The following SLC44A1 variants were observed in gnomAD, a reference collection of about 807,000 sequenced individuals.
SLC44A1 encodes the protein solute carrier family 44 member 1, also known as choline transporter-like protein 1.
SLC44A1 carries 26 observed loss-of-function variants against 79.3 expected under a neutral mutation model. That is an observed-to-expected ratio of 0.33 (90% CI 0.24 to 0.46). The LOEUF (loss-of-function observed/expected upper bound fraction) is 0.46. SLC44A1 is among the 20% of genes least tolerant of loss of function. SLC44A1 has a pLI of 1.00. For missense variants in SLC44A1, 688 were observed against 798.1 expected, an observed-to-expected ratio of 0.86 and a Z score of 1.66; for synonymous variants, 263 against 286.2, an observed-to-expected ratio of 0.92 and a Z score of 0.82.
At chr9:105,320,155 A>G (rs1245818606) in intron 3 of SLC44A1, among the ~76,000 whole-genome samples, 1 of 152,176 alleles carries the variant, frequency 6.6e-6, no homozygotes, top group Non-Finnish European at 1.5e-5. Flanking sequence ...TAATAATGCT[A>G]CTGAGATTCA....
At chr9:105,259,524 C>G (rs1006678849) in intron 1 of SLC44A1, among the ~76,000 whole-genome samples, 8 of 152,122 alleles carry the variant, frequency 5.3e-5, no homozygotes, top group African/African-American at 1.9e-4. Context: ...AGAGCAAGAG[C>G]TGGAATTTTT....
intron 13 of SLC44A1, 69 bp from the exon 14 acceptor site, chr9:105,383,054 C>A: frequency 1.8e-6 from 2 of 1,085,574 alleles, no homozygotes; most frequent in African/African-American, 1.6e-5. Flanking sequence ...TTTAAGTCTG[C>A]AAATGGTGAA....
intron 5 of SLC44A1, 133 bp from the exon 6 acceptor site, chr9:105,356,079 C>G: frequency 1.4e-6 from 1 of 690,028 alleles, no homozygotes; most frequent in South Asian, 1.8e-5. Flanking sequence ...GCACACAGCT[C>G]TTAGCTCCCA....
chr9:105,412,268 A>T (rs982642254), intron 15 of SLC44A1, among the ~76,000 whole-genome samples: 1 of 152,170 alleles, frequency 6.6e-6, no homozygotes, highest in Non-Finnish European at 1.5e-5. Flanking sequence ...CAAATCCCAG[A>T]TTGTTACTTT....
At chr9:105,375,815 C>T (rs1828261719) in intron 13 of SLC44A1, among the ~76,000 whole-genome samples, 1 of 152,046 alleles carries the variant, frequency 6.6e-6, no homozygotes, top group Non-Finnish European at 1.5e-5. Flanking sequence ...ATAAAATGCT[C>T]AGAAAATTTT....
At chr9:105,434,699 C>A (rs905322734) in intron 15 of SLC44A1, among the ~76,000 whole-genome samples, 1 of 152,156 alleles carries the variant, frequency 6.6e-6, no homozygotes, top group African/African-American at 2.4e-5. Context: ...TCCAGTCACT[C>A]ATTGGATGAG....
At chr9:105,339,944 A>C (rs1215380603) in intron 4 of SLC44A1, among the ~76,000 whole-genome samples, 1 of 152,254 alleles carries the variant, frequency 6.6e-6, no homozygotes. Flanking sequence ...AAAATTGAGG[A>C]CACTATGCTA....
chr9:105,435,957 G>A (rs1829458896), intron 15 of SLC44A1, among the ~76,000 whole-genome samples: 1 of 152,196 alleles, frequency 6.6e-6, no homozygotes, highest in African/African-American at 2.4e-5. Flanking sequence ...CAACACTTCG[G>A]GAGGCCAAGG....
intron 12 of SLC44A1, among the ~76,000 whole-genome samples, chr9:105,370,551 G>A (rs1828064414): frequency 6.6e-6 from 1 of 152,164 alleles, no homozygotes; most frequent in African/African-American, 2.4e-5. Flanking sequence ...AGATGGAATG[G>A]GGCAGGGTGG....
At chr9:105,247,289 T>C (rs559927388) in intron 1 of SLC44A1, among the ~76,000 whole-genome samples, 2 of 152,276 alleles carry the variant, frequency 1.3e-5, no homozygotes, top group East Asian at 3.9e-4. Flanking sequence ...CAAAAGTATT[T>C]TCTTCTTTTT....
intron 13 of SLC44A1, among the ~76,000 whole-genome samples, chr9:105,381,892 G>T (rs1205615331): frequency 1.3e-5 from 2 of 152,204 alleles, no homozygotes; most frequent in African/African-American, 4.8e-5. Flanking sequence ...AAATGCCAAA[G>T]AAGAATTCAT....
At chr9:105,319,788 C>T (rs1410851210) in intron 3 of SLC44A1, among the ~76,000 whole-genome samples, 1 of 152,208 alleles carries the variant, frequency 6.6e-6, no homozygotes, top group East Asian at 1.9e-4. Flanking sequence ...ATTCTTACTA[C>T]ACACTGGGGC....
intron 1 of SLC44A1, among the ~76,000 whole-genome samples, chr9:105,252,862 T>A (rs1225222155): frequency 6.6e-6 from 1 of 152,266 alleles, no homozygotes; most frequent in Admixed American, 6.5e-5. Flanking sequence ...CATAGCATAA[T>A]GTTCCAATTT....
chr9:105,268,309 G>A (rs990162015), intron 1 of SLC44A1, among the ~76,000 whole-genome samples: 3 of 152,022 alleles, frequency 2.0e-5, no homozygotes, highest in Non-Finnish European at 4.4e-5. Context: ...CCACTGGCTC[G>A]GGATTCAGCT....
rs1437728229 is a variant in SLC44A1 at position 105,393,841 on chromosome 9, T to C, written c.*4785T>C. 1 of 984,986 alleles carries C rather than the reference T, an allele frequency of 1.0e-6. No individual in the cohort carries two copies. 61.0% of individuals were successfully genotyped at this position (984,986 alleles called of 1,614,324 possible). A position where few individuals can be genotyped will look rare whatever the true frequency, so the allele number is the denominator to read the frequency against. On this transcript the variant is annotated 3_prime_UTR_variant, in exon 16 of 16. Transcript: ENST00000374720. Reference sequence around the variant, plus strand: ...GCTCAGTTTTACAACTTAAATGATTTTCTCCAGGACACGGAGCTCAGAATA... The same window carrying C: ...GCTCAGTTTTACAACTTAAATGATTCTCTCCAGGACACGGAGCTCAGAATA...
intron 15 of SLC44A1, among the ~76,000 whole-genome samples, chr9:105,421,592 T>G (rs544597515): frequency 1.3e-5 from 2 of 151,178 alleles, no homozygotes; most frequent in African/African-American, 4.8e-5. Flanking sequence ...CTTTTTTTTT[T>G]TTTTTTTTTT....
chr9:105,256,070 G>A (rs1250932877), intron 1 of SLC44A1, among the ~76,000 whole-genome samples: 1 of 152,106 alleles, frequency 6.6e-6, no homozygotes, highest in Non-Finnish European at 1.5e-5. Context: ...CTGGAGTGCA[G>A]TAGTGGATCT....
intron 2 of SLC44A1, among the ~76,000 whole-genome samples, chr9:105,303,099 A>G (rs1830924646): frequency 6.6e-6 from 1 of 152,146 alleles, no homozygotes; most frequent in Non-Finnish European, 1.5e-5. Flanking sequence ...TCTCAGCTCA[A>G]ATCCCACCCC....
At chr9:105,294,865 GTC>G (rs1221280606) in intron 1 of SLC44A1, 1 of 130,966 alleles carries the variant, frequency 7.6e-6, no homozygotes, top group African/African-American at 2.9e-5. Flanking sequence ...TAAATTTTGA[GTC>G]TGTGTGTGTG....
Sources: gnomAD v4.1 joint callset for allele counts (sites outside exome capture counted in the v4.1 genomes callset) on GRCh38, gnomAD v4.1.1 for gene constraint, MANE v1.5 for transcripts, NCBI Gene and HGNC (gene_info 2026-07-23, HGNC 2026-07-21) for gene names.